SULT2B1: variants seen among roughly 807,000 people sequenced by gnomAD.
The protein encoded by SULT2B1 is sulfotransferase family 2B member 1, also known as sulfotransferase 2B1.
A neutral mutation model predicts 33.2 loss-of-function variants in SULT2B1; 16 were observed. The ratio of observed to expected loss-of-function variants is 0.48; its 90% confidence interval spans 0.33 to 0.73. The LOEUF (loss-of-function observed/expected upper bound fraction) is 0.73, where lower values mean the gene tolerates loss of function less well. Ranked by LOEUF, SULT2B1 falls within the 30% of genes least tolerant of loss-of-function variation. The pLI is 0.02. For synonymous variants in SULT2B1, 186 were observed against 200.5 expected (o/e 0.93, Z 0.61); for missense variants, 500 against 506.0 (o/e 0.99, Z 0.11).
rs377308593 is a variant in SULT2B1, at chr19:48,562,063, C to T, written c.71+9740C>T. ...TCAGGAGTTTTGAGATCAGCCTGACCAACATGGCGAAACCCTGTCTCTACT... is the reference window on the plus strand; with the variant it reads ...TCAGGAGTTTTGAGATCAGCCTGACTAACATGGCGAAACCCTGTCTCTACT... On this transcript the variant is annotated intron_variant, in intron 1 of 6. Coordinates refer to ENST00000201586, the MANE Select transcript of SULT2B1 (RefSeq NM_177973.2). 3.3e-5 allele frequency among the ~76,000 whole-genome samples: 5 copies of T among 152,110 alleles called. No individual in the cohort carries two copies. The East Asian group carries it at 5.8e-4, about 18-fold the overall frequency.
Position 48,591,637 on chromosome 19 carries a change from A to T in SULT2B1, c.452A>T (p.Asp151Val). ...KVIYMGRNPR[D>V]VVVSLYHYSK... ...ATCTACATGGGCCGCAACCCCCGGG[A>T]CGTTGTGGTCTCCCTCTATCATTAC... The change falls in exon 4 of 7, where the codon GAC becomes GTC. Residue 151 changes from aspartate (D) to valine (V), a missense_variant. By Grantham distance (152) the Asp-to-Val change is radical. Coordinates refer to ENST00000201586, the MANE Select transcript of SULT2B1 (RefSeq NM_177973.2). The T allele has an allele frequency of 6.2e-7, 1 of 1,613,354 alleles. No individual in the cohort carries two copies. The highest frequency in any genetic ancestry group is 1.1e-5 in the South Asian group (1 of 91,066).
At chr19:48,569,870 T>G (rs1316950612) in intron 1 of SULT2B1, among the ~76,000 whole-genome samples, 1 of 152,070 alleles carries the variant, frequency 6.6e-6, no homozygotes, top group African/African-American at 2.4e-5. Flanking sequence ...TTCGCCATGT[T>G]GCCGAGGCTG....
chr19:48,580,977 C>T (rs1475786753), intron 2 of SULT2B1, among the ~76,000 whole-genome samples: 2 of 148,718 alleles, frequency 1.3e-5, no homozygotes, highest in Non-Finnish European at 3.0e-5. Flanking sequence ...TCCCTAACAG[C>T]TAATGGTGTT....
intron 1 of SULT2B1, among the ~76,000 whole-genome samples, chr19:48,564,487 G>A (rs540422771): frequency 1.4e-5 from 2 of 139,822 alleles, no homozygotes; most frequent in East Asian, 4.5e-4. Flanking sequence ...CAGGAGGCAA[G>A]GTTGCAGTGA....
At chr19:48,562,989 A>G (rs1313151146) in intron 1 of SULT2B1, among the ~76,000 whole-genome samples, 1 of 152,050 alleles carries the variant, frequency 6.6e-6, no homozygotes, top group Non-Finnish European at 1.5e-5. Context: ...TGATATTTAT[A>G]TAGACTTAAA....
In SULT2B1 at chr19:48,582,779, G is replaced by A. The variant is rs187158383; in HGVS notation, c.215-4450G>A. ...AATTGCTTGAACTGGGGAGGCAGAG[G>A]TTGTAGTGAGCCAAGATCGTACCAA... On this transcript the variant is annotated intron_variant, in intron 2 of 6. Transcript: ENST00000201586. Among the ~76,000 whole-genome samples the A allele has an allele frequency of 2.8e-4, 43 of 152,086 alleles. No individual in the cohort carries two copies. In the East Asian group the frequency reaches 7.7e-3, roughly 27 times the overall value.
chr19:48,554,146 T>G (rs1313930330), intron 1 of SULT2B1, among the ~76,000 whole-genome samples: 1 of 151,882 alleles, frequency 6.6e-6, no homozygotes, highest in East Asian at 1.9e-4. Flanking sequence ...TGCAGAGCCC[T>G]GGGGGGGTGC....
chr19:48,573,229 T>G (rs377010847), intron 1 of SULT2B1, among the ~76,000 whole-genome samples: 119 of 150,370 alleles, frequency 7.9e-4, no homozygotes, highest in Non-Finnish European at 1.5e-3. Context: ...GGAGGCTGAG[T>G]CATTCCCGGG....
rs1259069203 is a variant in SULT2B1, at chr19:48,576,945, T to C, written c.214+862T>C. 2.0e-5 allele frequency among the ~76,000 whole-genome samples: 3 copies of C among 151,164 alleles called. No homozygotes were observed. The Admixed American group carries it at 2.0e-4, about 10-fold the overall frequency. On this transcript the variant is annotated intron_variant, in intron 2 of 6. Coordinates refer to ENST00000201586, the MANE Select transcript of SULT2B1 (RefSeq NM_177973.2). ...CATGAGCCACCGCGCCTGGCTAAAT[T>C]GTATACTTTAAAGTGGTGAATTACA...
chr19:48,579,432 A>G (rs184757245), intron 2 of SULT2B1, among the ~76,000 whole-genome samples: 2,086 of 150,932 alleles, frequency 0.014, 18 homozygotes, highest in South Asian at 0.036. Flanking sequence ...ACAGGCGCCC[A>G]CCACCATACC....
rs1466043862 is a variant in SULT2B1, at chr19:48,552,349, C to G, written c.71+26C>G. 3.7e-6 allele frequency: 6 copies of G among 1,611,902 alleles called. No homozygotes were observed. Among genetic ancestry groups the G allele is most frequent in the Non-Finnish European group, 5.1e-6 (6 of 1,178,798 alleles). The stretch of plus-strand genomic sequence containing the variant: ...GTGAGGCCCAGACCTGGGCAGGAGC[C>G]AGGAGATCCCAGGGAGGAGGTGGCT... On this transcript the variant is annotated intron_variant, in intron 1 of 6. Transcript: ENST00000201586. This position sits in a 1 kb window ranked among gnomAD's most constrained non-coding sequence, Gnocchi z 4.8.
At chr19:48,595,642 ATC>A (rs1349094129) in intron 5 of SULT2B1, 1 of 145,296 alleles carries the variant, frequency 6.9e-6, no homozygotes, top group Non-Finnish European at 1.5e-5. Context: ...ACCAGACCAC[ATC>A]TGTTTTTTGG....
chr19:48,587,991 C>T (rs1055395495), intron 3 of SULT2B1, among the ~76,000 whole-genome samples: 1 of 149,106 alleles, frequency 6.7e-6, no homozygotes, highest in East Asian at 2.0e-4. Context: ...AGGCAGATCA[C>T]TTGAGGCCAG....
At chr19:48,561,676 A>G (rs1398962780) in intron 1 of SULT2B1, among the ~76,000 whole-genome samples, 1 of 152,108 alleles carries the variant, frequency 6.6e-6, no homozygotes, top group African/African-American at 2.4e-5. Context: ...GCCCAGCTAC[A>G]GTGGGACTCG....
intron 1 of SULT2B1, among the ~76,000 whole-genome samples, chr19:48,561,849 T>C (rs1435924051): frequency 6.6e-6 from 1 of 152,134 alleles, no homozygotes; most frequent in South Asian, 2.1e-4. Flanking sequence ...GTGCAGTGGC[T>C]CATGCCTGTA....
At chr19:48,592,949 GGAACA>G in intron 5 of SULT2B1, 133 bp downstream of exon 5, 1 of 748,154 alleles carries the variant, frequency 1.3e-6, no homozygotes, top group East Asian at 2.7e-5. Flanking sequence ...GGATACTGCA[GGAACA>G]GAACAGAGGC....
At chr19:48,563,238 A>G (rs1365269884) in intron 1 of SULT2B1, among the ~76,000 whole-genome samples, 1 of 152,036 alleles carries the variant, frequency 6.6e-6, no homozygotes, top group African/African-American at 2.4e-5. Flanking sequence ...CTTAAAACCT[A>G]CTTTACAGCT....
chr19:48,555,164 TCACTA>T (rs1973081840), intron 1 of SULT2B1, among the ~76,000 whole-genome samples: 1 of 152,162 alleles, frequency 6.6e-6, no homozygotes, highest in Non-Finnish European at 1.5e-5. Flanking sequence ...CGATCTCGGC[TCACTA>T]CAACCTCGGC....
intron 1 of SULT2B1, among the ~76,000 whole-genome samples, chr19:48,560,781 T>G (rs1333938928): frequency 6.7e-6 from 1 of 149,080 alleles, no homozygotes; most frequent in Non-Finnish European, 1.5e-5. Flanking sequence ...GCCAACATGG[T>G]GAAACCCCAT....
Sources: allele counts gnomAD v4.1 joint callset (sites outside exome capture counted in the v4.1 genomes callset), GRCh38; gene constraint gnomAD v4.1.1; non-coding constraint Gnocchi (gnomAD v3.1); transcripts MANE v1.5; gene names NCBI Gene and HGNC (gene_info 2026-07-23, HGNC 2026-07-21).